The following RGS7 variants were observed in gnomAD, a reference collection of about 807,000 sequenced individuals.
RGS7 encodes regulator of G protein signaling 7.
RGS7 carries 27 observed loss-of-function variants against 81.1 expected under a neutral mutation model. That is an observed-to-expected ratio of 0.33 (90% CI 0.25 to 0.46). The LOEUF (loss-of-function observed/expected upper bound fraction) is 0.46. Among genes scored for constraint, RGS7 ranks in the 20% least tolerant of loss-of-function variants. The pLI is 1.00. For missense variants in RGS7, 396 were observed against 607.4 expected, an observed-to-expected ratio of 0.65 and a Z score of 3.66; for synonymous variants, 208 against 207.7, an observed-to-expected ratio of 1.00 and a Z score of -0.01.
At chr1:240,807,514 T>C (rs1412164806) in intron 14 of RGS7, among the ~76,000 whole-genome samples, 2 of 152,144 alleles carry the variant, frequency 1.3e-5, no homozygotes, top group African/African-American at 4.8e-5. Context: ...TAATCAGAAA[T>C]CAGTAATGAA....
At chr1:241,178,415 A>T (rs1468066414) in intron 2 of RGS7, among the ~76,000 whole-genome samples, 1 of 152,350 alleles carries the variant, frequency 6.6e-6, no homozygotes, top group Non-Finnish European at 1.5e-5. Flanking sequence ...TTGAAGCCAT[A>T]GAACCAGCTG....
intron 2 of RGS7, among the ~76,000 whole-genome samples, chr1:241,312,713 T>C (rs1414371469): frequency 6.6e-6 from 1 of 152,168 alleles, no homozygotes; most frequent in Non-Finnish European, 1.5e-5. Flanking sequence ...ACATTAAATT[T>C]AGGCCAATTA....
intron 2 of RGS7, among the ~76,000 whole-genome samples, chr1:241,115,155 AC>A (rs1225642305): frequency 1.3e-5 from 2 of 152,160 alleles, no homozygotes; most frequent in Non-Finnish European, 2.9e-5. Context: ...CATAAGCAAG[AC>A]CTTAACTTTT....
intron 2 of RGS7, among the ~76,000 whole-genome samples, chr1:241,231,510 C>A (rs542966802): frequency 6.6e-6 from 1 of 151,358 alleles, no homozygotes; most frequent in East Asian, 2.0e-4. Flanking sequence ...AGGCACGCAC[C>A]ACCACGCCTG....
At chr1:240,794,440 C>T (rs1891430) in intron 18 of RGS7, among the ~76,000 whole-genome samples, 13,345 of 152,180 alleles carry the variant, frequency 0.088, 1,976 homozygotes, top group African/African-American at 0.3. Flanking sequence ...GTAGCAGATG[C>T]GTGGATCCCA....
intron 2 of RGS7, among the ~76,000 whole-genome samples, chr1:241,175,423 G>T (rs2071058150): frequency 6.6e-6 from 1 of 152,100 alleles, no homozygotes; most frequent in Non-Finnish European, 1.5e-5. Context: ...AGCTTCCTTG[G>T]TCAAGGCTCC....
chr1:240,872,569 C>A (rs2148040323), intron 6 of RGS7, among the ~76,000 whole-genome samples: 1 of 152,318 alleles, frequency 6.6e-6, no homozygotes, highest in South Asian at 2.1e-4. Context: ...ATGCTCTTGA[C>A]CGGATAGGCC....
intron 6 of RGS7, among the ~76,000 whole-genome samples, chr1:240,913,571 T>C (rs950259766): frequency 6.6e-6 from 1 of 152,176 alleles, no homozygotes; most frequent in Non-Finnish European, 1.5e-5. Flanking sequence ...GGTAAATGGG[T>C]TTTGTTGTTG....
intron 2 of RGS7, among the ~76,000 whole-genome samples, chr1:241,242,345 G>C (rs1022004857): frequency 5.4e-5 from 8 of 148,572 alleles, no homozygotes; most frequent in African/African-American, 1.9e-4. Flanking sequence ...TAGATAGATA[G>C]ATAGATACAA....
intron 2 of RGS7, among the ~76,000 whole-genome samples, chr1:241,157,883 A>T (rs1157866506): frequency 1.0e-4 from 8 of 77,950 alleles, no homozygotes; most frequent in Non-Finnish European, 7.6e-5. Context: ...CAGTGGTGCG[A>T]TCTGGGCTCA....
At chr1:241,174,534 C>T (rs1385342349) in intron 2 of RGS7, among the ~76,000 whole-genome samples, 1 of 152,192 alleles carries the variant, frequency 6.6e-6, no homozygotes, top group Non-Finnish European at 1.5e-5. Flanking sequence ...AAGATCTCAA[C>T]TCAATCATTC....
At chr1:240,998,310 C>T in intron 3 of RGS7, 1 of 401,334 alleles carries the variant, frequency 2.5e-6, no homozygotes, top group East Asian at 4.7e-5. Context: ...CTTATTTATC[C>T]TATTTGGGCT....
chr1:241,247,994 C>A (rs1168475174), intron 2 of RGS7, among the ~76,000 whole-genome samples: 1 of 152,184 alleles, frequency 6.6e-6, no homozygotes. Flanking sequence ...TGGTCCATCA[C>A]TTGTTCTGTA....
intron 2 of RGS7, among the ~76,000 whole-genome samples, chr1:241,138,498 G>C (rs1337525705): frequency 2.6e-5 from 4 of 152,144 alleles, no homozygotes; most frequent in Non-Finnish European, 5.9e-5. Context: ...CAGCCCTCAG[G>C]GGGAGTCCAC....
chr1:241,050,790 T>A (rs1303297000), intron 3 of RGS7, among the ~76,000 whole-genome samples: 1 of 152,222 alleles, frequency 6.6e-6, no homozygotes, highest in East Asian at 1.9e-4. Context: ...TATCTTCTCT[T>A]CCTTATGACT....
chr1:241,249,652 T>G (rs557181450), intron 2 of RGS7, among the ~76,000 whole-genome samples: 1 of 152,270 alleles, frequency 6.6e-6, no homozygotes, highest in South Asian at 2.1e-4. Context: ...ATAGATCTTT[T>G]GGGGGAGCAC....
At position 240,775,608 on chromosome 1, in the gene RGS7, A is replaced by G. The variant is rs1272779622; in HGVS notation, c.*612T>C. Reference sequence around the variant, plus strand: ...TCAACTTTAATACATTTGGAGTAAAAGGTGTTTCTTCTTTAAATATGGTAT... The same window carrying G: ...TCAACTTTAATACATTTGGAGTAAAGGGTGTTTCTTCTTTAAATATGGTAT... On this transcript the variant is annotated 3_prime_UTR_variant, in exon 19 of 19. Coordinates refer to ENST00000440928, the MANE Select transcript of RGS7 (RefSeq NM_001364886.1). 1 of 154,404 alleles carries G rather than the reference A, an allele frequency of 6.5e-6. No individual in the cohort carries two copies. The highest frequency in any genetic ancestry group is 1.9e-4 in the East Asian group (1 of 5,232). The allele number at this position is 154,404 out of a possible 1,614,324, so 9.6% of individuals were successfully genotyped here.
At chr1:241,227,816 G>C (rs768837987) in intron 2 of RGS7, among the ~76,000 whole-genome samples, 58 of 152,234 alleles carry the variant, frequency 3.8e-4, no homozygotes, top group South Asian at 1.0e-3. Flanking sequence ...ATTCTATTTG[G>C]CTGGGGACTC....
chr1:240,989,485 A>T (rs372101397), intron 3 of RGS7, among the ~76,000 whole-genome samples: 35 of 151,652 alleles, frequency 2.3e-4, no homozygotes, highest in African/African-American at 8.2e-4. Flanking sequence ...TCCTGACAGC[A>T]CCCAATCTAG....
Sources: allele counts gnomAD v4.1 joint callset (sites outside exome capture counted in the v4.1 genomes callset), GRCh38; gene constraint gnomAD v4.1.1; transcripts MANE v1.5; gene names NCBI Gene and HGNC (gene_info 2026-07-23, HGNC 2026-07-21).